Variants in SORBS2 observed in about 807,000 individuals in gnomAD.
The protein encoded by SORBS2 is sorbin and SH3 domain-containing protein 2.
A neutral mutation model predicts 97.7 loss-of-function variants in SORBS2; 46 were observed. The ratio of observed to expected loss-of-function variants is 0.47; its 90% CI spans 0.37 to 0.60. The LOEUF is 0.60. Among genes scored for constraint, SORBS2 ranks in the 20% least tolerant of loss-of-function variants. The pLI is 0.00. For synonymous variants in SORBS2, 476 were observed against 473.4 expected, an observed-to-expected ratio of 1.01 and a Z score of -0.07; for missense variants, 1,316 against 1,282.3, an observed-to-expected ratio of 1.03 and a Z score of -0.40.
At chr4:185,790,181 C>T (rs139000353) in intron 1 of SORBS2, among the ~76,000 whole-genome samples, 70 of 151,722 alleles carry the variant, frequency 4.6e-4, no homozygotes, top group Non-Finnish European at 8.5e-4. Flanking sequence ...CAGTCATCTG[C>T]GCACAACACA....
At position 185,606,541 on chromosome 4, in the gene SORBS2, G is replaced by A. The variant is rs549405046; in HGVS notation, c.2796+5239C>T. 5.1e-6 allele frequency: 5 copies of A among 984,962 alleles called. 1 individual carries two copies. The South Asian group carries it at 1.4e-4, about 28-fold the overall frequency. The allele number at this position is 984,962 out of a possible 1,614,324, so 61.0% of individuals were successfully genotyped here. A position where few individuals can be genotyped will look rare whatever the true frequency, so the allele number is the denominator to read the frequency against. On this transcript the variant is annotated intron_variant, in intron 12 of 14. Transcript: ENST00000418609. The surrounding 1 kb of genome is among the most constrained non-coding windows in gnomAD (Gnocchi z 4.3). The stretch of plus-strand genomic sequence containing the variant: ...TGATTAACTCTAATAGCTAATCATG[G>A]TAAGGCCGGTTAGTTCTTCCATAAT...
chr4:185,898,461 C>T (rs912475600), intron 1 of SORBS2, among the ~76,000 whole-genome samples: 1 of 152,284 alleles, frequency 6.6e-6, no homozygotes, highest in East Asian at 1.9e-4. Flanking sequence ...TTAAATCAAT[C>T]ACACTCTATT....
intron 1 of SORBS2, among the ~76,000 whole-genome samples, chr4:185,868,972 G>A (rs557694395): frequency 2.3e-4 from 35 of 152,350 alleles, no homozygotes; most frequent in African/African-American, 7.5e-4. Context: ...ATTTTATGGA[G>A]CATATGAGAA....
chr4:185,677,801 A>G (rs2097814344), intron 4 of SORBS2, among the ~76,000 whole-genome samples: 1 of 152,186 alleles, frequency 6.6e-6, no homozygotes, highest in Non-Finnish European at 1.5e-5. Flanking sequence ...AGATTGAGTG[A>G]TCATTTTCAT....
intron 2 of SORBS2, among the ~76,000 whole-genome samples, chr4:185,738,096 C>T (rs2098699667): frequency 6.6e-6 from 1 of 152,228 alleles, no homozygotes; most frequent in Non-Finnish European, 1.5e-5. Flanking sequence ...CATCTGCCTC[C>T]ACTTCCAAGT....
At chr4:185,887,768 ATCATT>A (rs2099240395) in intron 1 of SORBS2, among the ~76,000 whole-genome samples, 1 of 152,136 alleles carries the variant, frequency 6.6e-6, no homozygotes, top group African/African-American at 2.4e-5. Flanking sequence ...TATTATTAGA[ATCATT>A]TCATATCTTC....
intron 13 of SORBS2, among the ~76,000 whole-genome samples, chr4:185,591,279 T>C (rs6854874): frequency 0.18 from 28,011 of 152,060 alleles, 3,088 homozygotes; most frequent in East Asian, 0.31. Context: ...AGGCTTCTTC[T>C]CCTGTTAAAA....
At chr4:185,946,188 T>TGG (rs537408728) in intron 1 of SORBS2, among the ~76,000 whole-genome samples, 7 of 10,768 alleles carry the variant, frequency 6.5e-4, no homozygotes, top group African/African-American at 2.2e-3. Context: ...CATAGGATGT[T>TGG]GGGGGGGTGG....
At chr4:185,639,180 C>G (rs933946453) in intron 4 of SORBS2, 145 bp from the exon 14 acceptor site, 1 of 700,072 alleles carries the variant, frequency 1.4e-6, no homozygotes, top group Non-Finnish European at 2.2e-6. Flanking sequence ...GGGACCCAGA[C>G]GCCTCGGGAG....
intron 1 of SORBS2, among the ~76,000 whole-genome samples, chr4:185,892,258 A>G (rs1251294636): frequency 1.3e-5 from 2 of 152,228 alleles, no homozygotes; most frequent in African/African-American, 4.8e-5. Context: ...TAAAGAAAAT[A>G]TCCAGCTATG....
chr4:185,715,429 A>G (rs999088596), intron 2 of SORBS2, among the ~76,000 whole-genome samples: 1 of 152,108 alleles, frequency 6.6e-6, no homozygotes, highest in Non-Finnish European at 1.5e-5. Context: ...CAGACACGAA[A>G]TAAAAAATAA....
chr4:185,706,177 T>C (rs2098338916), intron 2 of SORBS2, among the ~76,000 whole-genome samples: 2 of 152,220 alleles, frequency 1.3e-5, no homozygotes, highest in African/African-American at 4.8e-5. Flanking sequence ...AATTATATCA[T>C]ACATTTTAAA....
At chr4:185,690,587 T>G in intron 2 of SORBS2, 1 of 1,509,350 alleles carries the variant, frequency 6.6e-7, no homozygotes, top group Non-Finnish European at 9.0e-7. Flanking sequence ...CCTTGGAGAG[T>G]TTGTTATTAA....
chr4:185,778,284 A>G (rs1267982877), intron 1 of SORBS2, among the ~76,000 whole-genome samples: 2 of 152,208 alleles, frequency 1.3e-5, no homozygotes, highest in African/African-American at 4.8e-5. Context: ...TCCACCCCAG[A>G]GCGTCTGATT....
chr4:185,907,075 G>T (rs915851185), intron 1 of SORBS2, among the ~76,000 whole-genome samples: 1 of 151,722 alleles, frequency 6.6e-6, no homozygotes, highest in African/African-American at 2.4e-5. Flanking sequence ...GGCAGAGGTT[G>T]CAGTGAGCTG....
chr4:185,596,308 AC>A (rs2153369302), intron 12 of SORBS2, among the ~76,000 whole-genome samples: 1 of 152,288 alleles, frequency 6.6e-6, no homozygotes, highest in Non-Finnish European at 1.5e-5. Flanking sequence ...TTAATGTAAA[AC>A]AATCAACTTT....
intron 12 of SORBS2, among the ~76,000 whole-genome samples, chr4:185,599,069 C>T (rs9994433): frequency 0.069 from 10,496 of 152,280 alleles, 859 homozygotes; most frequent in African/African-American, 0.18. Flanking sequence ...AGCTCTGCCT[C>T]AGCAACAAAA....
At chr4:185,682,740 G>C (rs989884503) in intron 2 of SORBS2, among the ~76,000 whole-genome samples, 3 of 152,150 alleles carry the variant, frequency 2.0e-5, no homozygotes, top group Admixed American at 6.5e-5. Flanking sequence ...GCCAGGTGTA[G>C]TGGCTCAGGC....
In SORBS2 at chr4:185,643,642, C is replaced by T. The variant is rs151291824; in HGVS notation, c.396+3026G>A. 2.0e-3 allele frequency among the ~76,000 whole-genome samples: 308 copies of T among 152,132 alleles called. 1 individual carries two copies. The highest frequency in any genetic ancestry group is 3.5e-3 in the Non-Finnish European group (239 of 68,008). On this transcript the variant is annotated intron_variant, in intron 4 of 14. Transcript: ENST00000418609. ...CAGCAGTGGCACTTCTCCTGGCAGG[C>T]GACACTGAGTCCACTGCAGGAGAGG...
Sources: gnomAD v4.1 joint callset for allele counts (sites outside exome capture counted in the v4.1 genomes callset) on GRCh38, gnomAD v4.1.1 for gene constraint, Gnocchi (gnomAD v3.1) non-coding constraint, MANE v1.5 for transcripts, NCBI Gene and HGNC (gene_info 2026-07-23, HGNC 2026-07-21) for gene names.